PLCH2: variants seen among roughly 807,000 people sequenced by gnomAD.
The protein encoded by PLCH2 is 1-phosphatidylinositol 4,5-bisphosphate phosphodiesterase eta-2.
Under a neutral mutation model 134.7 loss-of-function variants are expected in PLCH2, and 98 were observed. That is an observed-to-expected ratio of 0.73 (90% CI 0.62 to 0.86). PLCH2 has a LOEUF of 0.86. Ranked by LOEUF, PLCH2 falls within the 40% of genes least tolerant of loss-of-function variation. PLCH2 has a pLI of 0.00. For missense variants in PLCH2, 1,994 were observed against 1,986.6 expected (o/e 1.00, Z -0.07); for synonymous variants, 974 against 827.5 (o/e 1.18, Z -3.04).
At chr1:2,417,561 G>A in the PLCH2 span, among the ~76,000 whole-genome samples, 1 of 152,214 alleles carries the variant, frequency 6.6e-6, no homozygotes, top group African/African-American at 2.4e-5. Context: ...GCCCAAGCTG[G>A]AATGGCGTCC....
chr1:2,486,751 C>T (rs144150167), intron 5 of PLCH2, among the ~76,000 whole-genome samples, 156 bp from the exon 6 acceptor site: 29 of 152,326 alleles, frequency 1.9e-4, no homozygotes, highest in African/African-American at 4.1e-4. Flanking sequence ...ACGTGATCCA[C>T]GGTAGTCCCA....
upstream of PLCH2, among the ~76,000 whole-genome samples, chr1:2,425,333 A>AC (rs202162296): frequency 2.0e-5 from 3 of 150,718 alleles, no homozygotes; most frequent in Non-Finnish European, 3.0e-5. Flanking sequence ...ACACACATAC[A>AC]CCCCCCCACA....
At chr1:2,424,450 A>G (rs1038998284), upstream of PLCH2, among the ~76,000 whole-genome samples, 12 of 152,220 alleles carry the variant, frequency 7.9e-5, no homozygotes, top group African/African-American at 2.9e-4. Flanking sequence ...GATTCTACAT[A>G]TAAGTGAGAA....
At chr1:2,460,047 A>G (rs1477076705) in intron 2 of PLCH2, among the ~76,000 whole-genome samples, 1 of 152,166 alleles carries the variant, frequency 6.6e-6, no homozygotes, top group Non-Finnish European at 1.5e-5. Flanking sequence ...TCCGGCAGTG[A>G]CTGTGCTCCA....
intron 2 of PLCH2, among the ~76,000 whole-genome samples, chr1:2,451,123 G>A (rs2100556634): frequency 6.6e-6 from 1 of 152,196 alleles, no homozygotes; most frequent in African/African-American, 2.4e-5. Context: ...CAGGGCCTGG[G>A]GTCCAGGCCA....
At chr1:2,424,769 C>T (rs527997021), upstream of PLCH2, among the ~76,000 whole-genome samples, 87 of 152,244 alleles carry the variant, frequency 5.7e-4, no homozygotes, top group Non-Finnish European at 1.0e-3. Context: ...GGGCGGATCA[C>T]GAGGTCAGGA....
At chr1:2,503,642 A>T (rs1643361371) in intron 21 of PLCH2, 1 of 695,058 alleles carries the variant, frequency 1.4e-6, no homozygotes, top group East Asian at 2.7e-5. Flanking sequence ...GGCGAGTGAC[A>T]GGTAACGGGG....
intron 2 of PLCH2, among the ~76,000 whole-genome samples, chr1:2,456,756 C>A (rs888627211): frequency 6.6e-6 from 1 of 152,192 alleles, no homozygotes; most frequent in South Asian, 2.1e-4. Context: ...GTCCAGGGCT[C>A]TTGGTGGGAG....
At chr1:2,450,458 C>A (rs1412089547) in intron 2 of PLCH2, among the ~76,000 whole-genome samples, 1 of 151,548 alleles carries the variant, frequency 6.6e-6, no homozygotes, top group African/African-American at 2.4e-5. Flanking sequence ...TTACCAAGTG[C>A]CCCCAACTCG....
chr1:2,458,485 C>T (rs1289651181), intron 2 of PLCH2, among the ~76,000 whole-genome samples: 6 of 152,150 alleles, frequency 3.9e-5, no homozygotes, highest in African/African-American at 1.4e-4. Flanking sequence ...GCCGAGTGGC[C>T]GGGGAACGGG....
upstream of PLCH2, among the ~76,000 whole-genome samples, chr1:2,423,119 T>G (rs1638600418): frequency 1.3e-5 from 2 of 152,212 alleles, no homozygotes; most frequent in Non-Finnish European, 2.9e-5. Context: ...TGGCAACAGA[T>G]CCTGCAATTT....
At position 2,439,320 on chromosome 1, in the gene PLCH2, G is replaced by T. The variant is rs943638917; in HGVS notation, c.115+8691G>T. Among the ~76,000 whole-genome samples the T allele has an allele frequency of 1.3e-5, 2 of 152,144 alleles. No homozygotes were observed. The highest frequency in any genetic ancestry group is 4.8e-5 in the African/African-American group (2 of 41,440). ...AGGTGCCTGGGGGGTCTCAGAGCAG[G>T]AGGCTCAGCCCTGCCCACCCACCCC... On this transcript the variant is annotated intron_variant, in intron 2 of 3. Transcript: ENST00000609981. This position sits in a 1 kb window ranked among gnomAD's most constrained non-coding sequence, Gnocchi z 4.7.
At position 2,484,520 on chromosome 1, in the gene PLCH2, A is replaced by G; in HGVS notation, c.718A>G (p.Thr240Ala). ...EFCAFYKMMS[T>A]RRDLYLLMLT... is the part of the protein sequence containing the mutation. ...CTGTGCCTTCTACAAGATGATGTCCACCCGCCGGGACCTCTACCTGCTCAT... is the reference window on the plus strand; with the variant it reads ...CTGTGCCTTCTACAAGATGATGTCCGCCCGCCGGGACCTCTACCTGCTCAT... The change falls in exon 5 of 22, where the codon ACC (threonine) becomes GCC (alanine). Residue 240 changes from threonine to alanine, a missense_variant. Thr to Ala is a moderately conservative substitution (Grantham distance 58, BLOSUM62 0). Around this residue, in one of 2 missense-constraint regions of PLCH2, gnomAD observed 1,094 missense variants for 1,234.3 expected, o/e 0.89. Coordinates refer to ENST00000378486, the MANE Select transcript of PLCH2 (RefSeq NM_014638.4). 6.2e-7 allele frequency: 1 copy of G among 1,611,862 alleles called. No homozygotes were observed.
chr1:2,478,364 C>G (rs975677310), intron 1 of PLCH2, 112 bp from the exon 2 acceptor site: 5 of 1,346,898 alleles, frequency 3.7e-6, no homozygotes, highest in Non-Finnish European at 5.1e-6. Flanking sequence ...CGTGCCTCCG[C>G]TGACGGCCGT....
intron 1 of PLCH2, among the ~76,000 whole-genome samples, chr1:2,477,427 G>C (rs571440387): frequency 2.0e-5 from 3 of 152,186 alleles, no homozygotes; most frequent in Non-Finnish European, 4.4e-5. Context: ...AAGAAGGCCC[G>C]GCCAGTACTG....
intron 21 of PLCH2, chr1:2,502,793 TC>T: frequency 4.2e-6 from 3 of 715,914 alleles, no homozygotes; most frequent in Middle Eastern, 2.3e-4. Flanking sequence ...CCCCGAAAGG[TC>T]CCCCCGCTGG....
In PLCH2 at chr1:2,478,325, G is replaced by C. The variant is rs1316080997; in HGVS notation, c.125-151G>C. On this transcript the variant is annotated intron_variant, in intron 1 of 21. Coordinates refer to ENST00000378486, the MANE Select transcript of PLCH2 (RefSeq NM_014638.4). ...TGCCCTGTCACTGGCAGGGCGGTGT[G>C]GGCGGGGCCGGGCGAGGTGAGGAGT... 10 of 938,780 alleles carry C rather than the reference G, an allele frequency of 1.1e-5. No homozygotes were observed. The East Asian group carries it at 1.6e-4, about 15-fold the overall frequency. 58.2% of individuals were successfully genotyped at this position (938,780 alleles called of 1,614,324 possible).
In PLCH2 at chr1:2,444,148, C is replaced by T. The variant is rs12736125; in HGVS notation, c.115+13519C>T. Among the ~76,000 whole-genome samples, 17,615 of 152,198 alleles carry T rather than the reference C, an allele frequency of 0.12. 1,111 individuals are homozygous for T. Among genetic ancestry groups the T allele is most frequent in the African/African-American group, 0.15 (6,058 of 41,538 alleles). The stretch of plus-strand genomic sequence containing the variant: ...TGCGGGCGCGGGACTGTGGGCGGGA[C>T]GGGCGGAGCGGTCTTGAGCTCTCCG... On this transcript the variant is annotated intron_variant, in intron 2 of 3. Coordinates refer to the PLCH2 transcript ENST00000609981. This position sits in a 1 kb window ranked among gnomAD's most constrained non-coding sequence, Gnocchi z 4.6.
At chr1:2,490,921 C>G (rs945415821) in intron 10 of PLCH2, among the ~76,000 whole-genome samples, 4 of 152,250 alleles carry the variant, frequency 2.6e-5, no homozygotes, top group African/African-American at 9.6e-5. Flanking sequence ...ACTCCAGACC[C>G]TGTGCCGCCT....
Sources: allele counts gnomAD v4.1 joint callset (sites outside exome capture counted in the v4.1 genomes callset), GRCh38; gene constraint gnomAD v4.1.1; regional missense constraint gnomAD v4.1.1; non-coding constraint Gnocchi (gnomAD v3.1); transcripts MANE v1.5; gene names NCBI Gene and HGNC (gene_info 2026-07-23, HGNC 2026-07-21).